The following RPP40 variants were observed in gnomAD, a reference collection of about 807,000 sequenced individuals.
The protein encoded by RPP40 is ribonuclease P protein subunit p40.
A neutral mutation model predicts 42.5 loss-of-function variants in RPP40; 30 were observed. That is an observed-to-expected ratio of 0.71 (90% CI 0.53 to 0.96). RPP40 has a LOEUF of 0.96. Among genes scored for constraint, RPP40 ranks in the 40% least tolerant of loss-of-function variants. The pLI is 0.00. For synonymous variants in RPP40, 173 were observed against 164.0 expected, an observed-to-expected ratio of 1.05 and a Z score of -0.42; for missense variants, 426 against 433.5, an observed-to-expected ratio of 0.98 and a Z score of 0.15.
chr6:4,994,953 C>G lies in RPP40; in HGVS notation c.*125G>C. ...GGGTCTCAGGTGCAGGGCAGGATGC[C>G]AGCAAATGCTGATCTGAGAAATGTC... On this transcript the variant is annotated 3_prime_UTR_variant, in exon 8 of 8. Transcript: ENST00000380051. The G allele has an allele frequency of 2.4e-6, 2 of 850,242 alleles. No homozygotes were observed. Among genetic ancestry groups the G allele is most frequent in the Middle Eastern group, 3.7e-4 (1 of 2,736 alleles). The allele number at this position is 850,242 out of a possible 1,614,324, so 52.7% of individuals were successfully genotyped here. A position where few individuals can be genotyped will look rare whatever the true frequency, so the allele number is the denominator to read the frequency against.
At chr6:4,995,309 A>G (rs1302610600) in intron 7 of RPP40, 33 bp from the exon 8 acceptor site, 1 of 1,506,818 alleles carries the variant, frequency 6.6e-7, no homozygotes. Context: ...ACAGAGTTTT[A>G]AAAGAGAGTT....
At position 5,000,575 on chromosome 6, in the gene RPP40, G is replaced by A. The variant is rs1173710928; in HGVS notation, c.325C>T (p.Leu109=). Residue 109 remains leucine, a synonymous_variant, in exon 3 of 8, where the codon CTG becomes TTG. Transcript: ENST00000380051. ...THIDEDNTVA[L]LPNGKLILSL... ...AATAAAGTGTTACCATTTGGTAGCA[G>A]GGCAACAGTATTATCTTCATCAATA... The A allele has an allele frequency of 1.3e-6, 2 of 1,554,738 alleles. No homozygotes were observed. Among genetic ancestry groups the A allele is most frequent in the East Asian group, 4.5e-5 (2 of 44,568 alleles).
At chr6:5,003,760 G>A in intron 1 of RPP40, 120 bp downstream of exon 1, 2 of 1,315,490 alleles carry the variant, frequency 1.5e-6, no homozygotes, top group South Asian at 1.5e-5. Flanking sequence ...GCCGGGCGAG[G>A]GCCCCGCCCC....
At position 4,996,094 on chromosome 6, in the gene RPP40, A is replaced by G; in HGVS notation, c.759-9T>C. 6.2e-7 allele frequency: 1 copy of G among 1,612,266 alleles called. No individual in the cohort carries two copies. The highest frequency in any genetic ancestry group is 1.6e-4 in the Middle Eastern group (1 of 6,062). On this transcript the variant is annotated splice_polypyrimidine_tract_variant and intron_variant, in intron 6 of 7. Coordinates refer to ENST00000380051, the MANE Select transcript of RPP40 (RefSeq NM_006638.4). ...TATTAGGCTCATTATTTCTGTCACC[A>G]AAAAAATAAAAGAGAGAGAGATAAC... is the stretch of plus-strand genomic sequence containing the variant.
At chr6:5,000,040 G>A in intron 3 of RPP40, 136 bp from the exon 4 acceptor site, 3 of 571,024 alleles carry the variant, frequency 5.3e-6, no homozygotes, top group Non-Finnish European at 9.5e-6. Flanking sequence ...TATATCACAA[G>A]AATATTATTT....
rs111653026 is a variant in RPP40, at chr6:5,000,848, A to T, written c.269-217T>A. ...AGACCAAGCATGCAGAAGACCAAGC[A>T]TGCAGAAGACCAAGCATGCAGAAGA... is the stretch of plus-strand genomic sequence containing the variant. On this transcript the variant is annotated intron_variant, in intron 2 of 7. Coordinates refer to ENST00000380051, the MANE Select transcript of RPP40 (RefSeq NM_006638.4). Among the ~76,000 whole-genome samples the T allele has an allele frequency of 3.5e-3, 508 of 146,438 alleles. 12 individuals are homozygous for T. The highest frequency in any genetic ancestry group is 0.011 in the African/African-American group (400 of 37,932).
rs769993153 is a variant in RPP40 at position 4,998,892 on chromosome 6, C to T, written c.434-51G>A. 1.4e-5 allele frequency: 16 copies of T among 1,152,240 alleles called. No individual in the cohort carries two copies. In the African/African-American group the frequency reaches 2.1e-4, roughly 15 times the overall value. 71.4% of individuals were successfully genotyped at this position (1,152,240 alleles called of 1,614,324 possible). On this transcript the variant is annotated intron_variant, in intron 4 of 7. Transcript: ENST00000380051. ...TATTTCATTCATATACGTACAGCTT[C>T]TACCATGGAAAAAGTGTTACATTTT... is the stretch of plus-strand genomic sequence containing the variant.
the RPP40 span, among the ~76,000 whole-genome samples, chr6:4,988,709 AC>A: frequency 6.6e-6 from 1 of 152,118 alleles, no homozygotes; most frequent in South Asian, 2.1e-4. Context: ...AATTTGCTTA[AC>A]CATTCACGCA....
chr6:5,003,849 G>A (rs1374071746), intron 1 of RPP40, 31 bp downstream of exon 1: 2 of 1,592,984 alleles, frequency 1.3e-6, no homozygotes, highest in Non-Finnish European at 1.7e-6. Flanking sequence ...GACTGAGCAC[G>A]GCCCGAAAAG....
rs117497348 is a variant in RPP40, at chr6:4,998,573, A to G, written c.559+143T>C. On this transcript the variant is annotated intron_variant, in intron 5 of 7. Coordinates refer to ENST00000380051, the MANE Select transcript of RPP40 (RefSeq NM_006638.4). ...GGTTTTCAGAGATGTCAGAAGGGCT[A>G]GTTTCCTTAATAATATTTTTATATA... 4.1e-4 allele frequency: 220 copies of G among 531,328 alleles called. 1 individual carries two copies. The East Asian group carries it at 6.6e-3, about 16-fold the overall frequency. The allele number at this position is 531,328 out of a possible 1,614,324, so 32.9% of individuals were successfully genotyped here.
At chr6:4,989,968 T>C (rs773187520), downstream of RPP40, among the ~76,000 whole-genome samples, 11 of 152,226 alleles carry the variant, frequency 7.2e-5, no homozygotes, top group Non-Finnish European at 1.0e-4. Context: ...CAGTACAATG[T>C]TGAACAGAGG....
At chr6:5,003,779 C>A in intron 1 of RPP40, 101 bp downstream of exon 1, 1 of 1,413,772 alleles carries the variant, frequency 7.1e-7, no homozygotes, top group Non-Finnish European at 9.4e-7. Context: ...CCTCCGCGTA[C>A]CGCCGGCGGC....
chr6:4,989,635 A>G, the RPP40 span, among the ~76,000 whole-genome samples: 3 of 152,208 alleles, frequency 2.0e-5, no homozygotes, highest in African/African-American at 4.8e-5. Context: ...TTCAGTGTAC[A>G]GTATTTTTCT....
chr6:5,001,537 A>G (rs559541659), intron 2 of RPP40, among the ~76,000 whole-genome samples: 391 of 152,284 alleles, frequency 2.6e-3, no homozygotes, highest in Non-Finnish European at 3.4e-3. Flanking sequence ...TGGAATCCCT[A>G]AAGGCCCTCT....
chr6:5,002,654 C>T (rs1040431009), intron 1 of RPP40, among the ~76,000 whole-genome samples: 5 of 152,120 alleles, frequency 3.3e-5, no homozygotes, highest in African/African-American at 9.7e-5. Flanking sequence ...AACTATCTGT[C>T]GGGGCATAAG....
chr6:5,002,211 G>A lies in RPP40; in HGVS notation c.158C>T (p.Ser53Leu), dbSNP rs751713944. Reference protein sequence around the residue: ...SFLIPECGILSEELKNLVMNT... With the variant: ...SFLIPECGILLEELKNLVMNT... ...CATGACCAGGTTTTTCAGTTCTTCC[G>A]ATAGTATCCCACATTCAGGAATGAG... The change falls in exon 2 of 8, where the codon TCG becomes TTG. Residue 53 changes from serine to leucine, a missense_variant. Physicochemically the swap from Ser to Leu is moderately radical, Grantham distance 145. Transcript: ENST00000380051. The A allele has an allele frequency of 4.6e-5, 74 of 1,613,162 alleles. No individual in the cohort carries two copies. In the South Asian group the frequency reaches 7.0e-4, roughly 15 times the overall value.
chr6:4,991,459 T>C (rs898965269), downstream of RPP40, among the ~76,000 whole-genome samples: 2 of 152,222 alleles, frequency 1.3e-5, no homozygotes, highest in Admixed American at 1.3e-4. Flanking sequence ...AATTGAGTTG[T>C]TTCTCCATTT....
At chr6:4,996,493 C>A in intron 5 of RPP40, 73 bp from the exon 6 acceptor site, 1 of 1,331,518 alleles carries the variant, frequency 7.5e-7, no homozygotes, top group South Asian at 1.2e-5. Flanking sequence ...ATACCTGAAC[C>A]CACCCATTCC....
Position 4,998,715 on chromosome 6 carries a change from C to T in RPP40, c.559+1G>A, listed in dbSNP as rs1759454443. 1.3e-6 allele frequency: 2 copies of T among 1,536,388 alleles called. No individual in the cohort carries two copies. The highest frequency in any genetic ancestry group is 1.8e-6 in the Non-Finnish European group (2 of 1,134,274). ...ATCATTACATAATTTATTCCTCATA[C>T]CTGTTTTATGCCAAGCCAAAAGAAA... On this transcript the variant is annotated splice_donor_variant, in intron 5 of 7. Coordinates refer to ENST00000380051, the MANE Select transcript of RPP40 (RefSeq NM_006638.4). LOFTEE classifies it high-confidence loss of function.
Sources: gnomAD v4.1 joint callset for allele counts (sites outside exome capture counted in the v4.1 genomes callset) on GRCh38, gnomAD v4.1.1 for gene constraint, MANE v1.5 for transcripts, NCBI Gene and HGNC (gene_info 2026-07-23, HGNC 2026-07-21) for gene names.